Variants in TPRG1 observed in about 807,000 individuals in gnomAD.
The protein encoded by TPRG1 is tumor protein p63-regulated gene 1 protein.
In TPRG1, 29 loss-of-function variants were observed where a neutral mutation model predicts 29.3. The observed-to-expected ratio is 0.99, with a 90% CI of 0.74 to 1.35. The LOEUF (loss-of-function observed/expected upper bound fraction) is 1.35. Ranked by LOEUF, TPRG1 falls within the 40% of genes most tolerant of loss-of-function variation. The pLI, the probability that TPRG1 is intolerant of heterozygous loss-of-function variation, is 0.00. For synonymous variants in TPRG1, 130 were observed against 116.8 expected (o/e 1.11, Z -0.73); for missense variants, 327 against 335.0 (o/e 0.98, Z 0.19).
chr3:189,124,058 T>C (rs1356035291), intron 1 of TPRG1, among the ~76,000 whole-genome samples: 1 of 152,202 alleles, frequency 6.6e-6, no homozygotes, highest in Non-Finnish European at 1.5e-5. Flanking sequence ...ATTCAGCTTT[T>C]TCAGGTAATA....
At chr3:189,135,570 C>T (rs764134910) in intron 3 of TPRG1, among the ~76,000 whole-genome samples, 55 of 152,190 alleles carry the variant, frequency 3.6e-4, no homozygotes, top group Non-Finnish European at 1.3e-4. Flanking sequence ...CTTTCCCTGT[C>T]GCCCTTCATG....
chr3:189,033,548 A>G (rs1714064672), intron 4 of TPRG1, among the ~76,000 whole-genome samples: 1 of 151,678 alleles, frequency 6.6e-6, no homozygotes, highest in Admixed American at 6.6e-5. Flanking sequence ...TGCTGGGATT[A>G]TAGGTATGAG....
chr3:189,216,939 T>C (rs955267953), intron 3 of TPRG1, among the ~76,000 whole-genome samples: 7 of 152,250 alleles, frequency 4.6e-5, no homozygotes, highest in Admixed American at 4.6e-4. Context: ...GTTTCTACAC[T>C]GCATCTCCCT....
chr3:189,011,619 A>G (rs1383275683), intron 3 of TPRG1, among the ~76,000 whole-genome samples: 3 of 152,176 alleles, frequency 2.0e-5, no homozygotes, highest in Non-Finnish European at 4.4e-5. Flanking sequence ...AGACCCATTC[A>G]CTATCATGAG....
chr3:189,284,305 C>T (rs1304800088), intron 4 of TPRG1, among the ~76,000 whole-genome samples: 3 of 151,338 alleles, frequency 2.0e-5, no homozygotes, highest in African/African-American at 7.3e-5. Flanking sequence ...CACCCATTAA[C>T]CTGTCATTTA....
At chr3:189,228,356 A>G (rs1031856054) in intron 3 of TPRG1, among the ~76,000 whole-genome samples, 12 of 142,454 alleles carry the variant, frequency 8.4e-5, no homozygotes, top group Admixed American at 7.2e-5. Context: ...ATAACTGTAG[A>G]TGCAAAAATT....
chr3:189,199,352 AATT>A (rs1240044902), intron 1 of TPRG1, among the ~76,000 whole-genome samples: 1 of 152,230 alleles, frequency 6.6e-6, no homozygotes, highest in Non-Finnish European at 1.5e-5. Flanking sequence ...ACTGAAGAAA[AATT>A]AATCAAATCT....
At position 189,253,282 on chromosome 3, in the gene TPRG1, GAAC is replaced by G. The variant is rs569330153; in HGVS notation, c.479+14374_479+14376del. Among the ~76,000 whole-genome samples, 147 of 152,188 alleles carry G rather than the reference GAAC, an allele frequency of 9.7e-4. 1 individual carries two copies. Among genetic ancestry groups the G allele is most frequent in the African/African-American group, 3.4e-3 (142 of 41,506 alleles). On this transcript the variant is annotated intron_variant, in intron 4 of 5. Transcript: ENST00000345063. ...CATTATTCAACTCCCACTTGTGAGTGAACTCCCACTCATGTGGTGTTTGGAACC... is the reference window on the plus strand; with the variant it reads ...CATTATTCAACTCCCACTTGTGAGTGTCCCACTCATGTGGTGTTTGGAACC...
intron 4 of TPRG1, among the ~76,000 whole-genome samples, chr3:189,077,638 A>AT (rs369856254): frequency 6.6e-6 from 1 of 152,326 alleles, no homozygotes; most frequent in African/African-American, 2.4e-5. Flanking sequence ...TATGTTAATT[A>AT]TACCTAAACT....
chr3:189,283,106 A>T (rs1717435981), intron 4 of TPRG1, among the ~76,000 whole-genome samples: 1 of 152,206 alleles, frequency 6.6e-6, no homozygotes, highest in Admixed American at 6.5e-5. Context: ...GAAATAATGT[A>T]TTGGGTCTGA....
intron 4 of TPRG1, among the ~76,000 whole-genome samples, chr3:189,037,134 C>A (rs1054352805): frequency 6.6e-6 from 1 of 151,154 alleles, no homozygotes; most frequent in African/African-American, 2.4e-5. Flanking sequence ...GTGCCTTAAT[C>A]ATTCTTTGAT....
At chr3:189,042,785 T>C (rs936930421) in intron 4 of TPRG1, among the ~76,000 whole-genome samples, 7 of 152,024 alleles carry the variant, frequency 4.6e-5, no homozygotes, top group Admixed American at 6.6e-5. Context: ...TATAACAACA[T>C]GTAATCTGCT....
chr3:189,066,271 C>T (rs915963001), intron 4 of TPRG1, among the ~76,000 whole-genome samples: 1 of 152,104 alleles, frequency 6.6e-6, no homozygotes, highest in African/African-American at 2.4e-5. Flanking sequence ...CCTACTTAAA[C>T]TATTTCAATA....
intron 4 of TPRG1, chr3:189,150,616 T>C (rs564784992): frequency 6.6e-6 from 1 of 152,342 alleles, no homozygotes; most frequent in South Asian, 2.1e-4. Context: ...AGGATCACAA[T>C]ACATGATCAA....
intron 2 of TPRG1, chr3:189,212,098 C>G (rs1279921500): frequency 6.6e-6 from 1 of 152,080 alleles, no homozygotes; most frequent in Admixed American, 6.6e-5. Flanking sequence ...TTTAAACTCT[C>G]TGTAGGACTC....
At chr3:189,252,260 G>A (rs1579047208) in intron 4 of TPRG1, among the ~76,000 whole-genome samples, 1 of 152,176 alleles carries the variant, frequency 6.6e-6, no homozygotes, top group African/African-American at 2.4e-5. Flanking sequence ...TCTTAGTACA[G>A]AGCAAAATGG....
At chr3:189,176,112 C>A (rs1729456185) in intron 1 of TPRG1, among the ~76,000 whole-genome samples, 1 of 152,118 alleles carries the variant, frequency 6.6e-6, no homozygotes, top group Non-Finnish European at 1.5e-5. Flanking sequence ...GTCACCAAAG[C>A]AATATTTAAT....
At chr3:189,312,145 C>G (rs1034893830) in intron 5 of TPRG1, among the ~76,000 whole-genome samples, 5 of 45,372 alleles carry the variant, frequency 1.1e-4, no homozygotes, top group African/African-American at 2.8e-4. Context: ...TTCTTTCTTT[C>G]TTTCTTTCTT....
At chr3:189,311,831 C>A (rs1722537324) in intron 5 of TPRG1, among the ~76,000 whole-genome samples, 1 of 151,966 alleles carries the variant, frequency 6.6e-6, no homozygotes, top group Non-Finnish European at 1.5e-5. Context: ...CCACTGAAAG[C>A]CAACAAAACA....
Sources: gnomAD v4.1 joint callset for allele counts (sites outside exome capture counted in the v4.1 genomes callset) on GRCh38, gnomAD v4.1.1 for gene constraint, MANE v1.5 for transcripts, NCBI Gene and HGNC (gene_info 2026-07-23, HGNC 2026-07-21) for gene names.